CADPS: variants seen among roughly 807,000 people sequenced by gnomAD.
The protein encoded by CADPS is calcium dependent secretion activator, also known as calcium-dependent secretion activator 1.
In CADPS, 57 loss-of-function variants were observed where a neutral mutation model predicts 167.3. The ratio of observed to expected loss-of-function variants is 0.34; its 90% CI spans 0.28 to 0.42. The LOEUF (loss-of-function observed/expected upper bound fraction) is 0.42. CADPS is among the 20% of genes least tolerant of loss of function. CADPS has a pLI of 1.00. For missense variants in CADPS, 1,414 were observed against 1,738.1 expected, an observed-to-expected ratio of 0.81 and a Z score of 3.32; for synonymous variants, 676 against 635.3, an observed-to-expected ratio of 1.06 and a Z score of -0.96.
At chr3:62,556,528 T>G (rs1359907087) in intron 10 of CADPS, among the ~76,000 whole-genome samples, 1 of 152,146 alleles carries the variant, frequency 6.6e-6, no homozygotes, top group African/African-American at 2.4e-5. Context: ...AATAATGCAG[T>G]ATGGTTGGAA....
chr3:62,502,277 T>A (rs1454194476), intron 17 of CADPS, among the ~76,000 whole-genome samples: 2 of 151,750 alleles, frequency 1.3e-5, no homozygotes, highest in Non-Finnish European at 2.9e-5. Flanking sequence ...CCAACAGAGG[T>A]CAAGGAGAAA....
chr3:62,872,275 C>T (rs1350963149), intron 1 of CADPS, among the ~76,000 whole-genome samples: 2 of 152,160 alleles, frequency 1.3e-5, no homozygotes, highest in African/African-American at 4.8e-5. Context: ...TAATTACTCT[C>T]AATCATTGCT....
chr3:62,574,932 G>A (rs1334034864), intron 8 of CADPS, among the ~76,000 whole-genome samples: 1 of 152,202 alleles, frequency 6.6e-6, no homozygotes, highest in Non-Finnish European at 1.5e-5. Context: ...ACTTAAATAT[G>A]TGAAAGGAAA....
At chr3:62,691,463 T>C (rs1201428198) in intron 3 of CADPS, among the ~76,000 whole-genome samples, 1 of 151,962 alleles carries the variant, frequency 6.6e-6, no homozygotes, top group Non-Finnish European at 1.5e-5. Flanking sequence ...TTCTGCTCAA[T>C]TTTGCTGTAG....
At chr3:62,533,976 TG>T (rs1329679351) in intron 12 of CADPS, among the ~76,000 whole-genome samples, 1 of 152,224 alleles carries the variant, frequency 6.6e-6, no homozygotes, top group Non-Finnish European at 1.5e-5. Context: ...AATTCAGATC[TG>T]CAAATTAGAG....
At chr3:62,416,248 T>C (rs982315081) in intron 28 of CADPS, among the ~76,000 whole-genome samples, 1 of 152,168 alleles carries the variant, frequency 6.6e-6, no homozygotes, top group Non-Finnish European at 1.5e-5. Context: ...CAAAAGAACA[T>C]AGTAATCCTA....
intron 6 of CADPS, among the ~76,000 whole-genome samples, chr3:62,622,748 A>G (rs1328484137): frequency 6.6e-6 from 1 of 152,166 alleles, no homozygotes; most frequent in Non-Finnish European, 1.5e-5. Context: ...AAAAAAAGTC[A>G]TGATAGAATT....
At chr3:62,550,225 G>C (rs797016003) in intron 10 of CADPS, 110 bp from the exon 11 acceptor site, 54 of 770,240 alleles carry the variant, frequency 7.0e-5, no homozygotes, top group African/African-American at 3.4e-4. Flanking sequence ...ACAGAAGAGG[G>C]GGGTAGTGAT....
chr3:62,543,186 T>C (rs2075976884), intron 11 of CADPS, among the ~76,000 whole-genome samples: 1 of 152,192 alleles, frequency 6.6e-6, no homozygotes, highest in South Asian at 2.1e-4. Context: ...AAAAGGGACA[T>C]GATTTACAGT....
At chr3:62,827,146 C>T (rs910893408) in intron 1 of CADPS, among the ~76,000 whole-genome samples, 1 of 152,010 alleles carries the variant, frequency 6.6e-6, no homozygotes, top group Non-Finnish European at 1.5e-5. Context: ...TCTTGATTCC[C>T]CCCACCCAGG....
intron 20 of CADPS, among the ~76,000 whole-genome samples, chr3:62,491,720 G>C (rs1197282094): frequency 6.6e-6 from 1 of 152,044 alleles, no homozygotes; most frequent in African/African-American, 2.4e-5. Flanking sequence ...TCTTCTAAAA[G>C]GAAAAACGAT....
intron 28 of CADPS, among the ~76,000 whole-genome samples, chr3:62,430,627 G>A (rs2053728719): frequency 1.3e-5 from 2 of 151,790 alleles, no homozygotes; most frequent in African/African-American, 4.8e-5. Context: ...CCTCTGCCAA[G>A]GAAACTTAAC....
intron 11 of CADPS, among the ~76,000 whole-genome samples, chr3:62,545,588 A>G (rs1232087607): frequency 4.0e-5 from 6 of 151,878 alleles, no homozygotes; most frequent in African/African-American, 1.4e-4. Flanking sequence ...CTGTAGAGTC[A>G]CACACAAACT....
chr3:62,600,337 C>T (rs534788787), intron 6 of CADPS, among the ~76,000 whole-genome samples: 2 of 152,116 alleles, frequency 1.3e-5, no homozygotes, highest in East Asian at 1.9e-4. Flanking sequence ...GAAAGTGCCA[C>T]CAAGCTATAT....
intron 2 of CADPS, among the ~76,000 whole-genome samples, chr3:62,757,875 G>T (rs942189844): frequency 5.3e-5 from 8 of 152,196 alleles, no homozygotes; most frequent in African/African-American, 1.4e-4. Flanking sequence ...GAGAGCATGT[G>T]CATGGGAACT....
At chr3:62,608,884 G>A (rs945372242) in intron 6 of CADPS, among the ~76,000 whole-genome samples, 1 of 152,100 alleles carries the variant, frequency 6.6e-6, no homozygotes, top group South Asian at 2.1e-4. Context: ...CAACTTGTAC[G>A]CCTCCTTCCA....
intron 1 of CADPS, among the ~76,000 whole-genome samples, chr3:62,836,555 CGT>C (rs142841242): frequency 6.6e-6 from 1 of 151,968 alleles, no homozygotes; most frequent in Admixed American, 6.6e-5. Flanking sequence ...GAAGTTAACC[CGT>C]GTGTGTGTGT....
chr3:62,617,665 A>T, intron 6 of CADPS, among the ~76,000 whole-genome samples: 1 of 151,966 alleles, frequency 6.6e-6, no homozygotes, highest in Non-Finnish European at 1.5e-5. Flanking sequence ...GGGATGAGAG[A>T]GGGGAAGGCT....
rs1239110761 is a variant in CADPS, at chr3:62,455,852, C to CGAAG, written c.3636+9511_3636+9514dup. On this transcript the variant is annotated intron_variant, in intron 26 of 29. Transcript: ENST00000383710. This position sits in a 1 kb window ranked among gnomAD's most constrained non-coding sequence, Gnocchi z 4.4. Reference sequence around the variant, plus strand: ...GTTACTGAATAGTAATGCTTCTGCACGAAGGGGTCACTTGTGACCTCTGGT... The same window carrying CGAAG: ...GTTACTGAATAGTAATGCTTCTGCACGAAGGAAGGGGTCACTTGTGACCTCTGGT... Among the ~76,000 whole-genome samples the CGAAG allele has an allele frequency of 6.6e-6, 1 of 152,140 alleles. No individual in the cohort carries two copies. The highest frequency in any genetic ancestry group is 2.4e-5 in the African/African-American group (1 of 41,430).
Sources: gnomAD v4.1 joint callset for allele counts (sites outside exome capture counted in the v4.1 genomes callset) on GRCh38, gnomAD v4.1.1 for gene constraint, Gnocchi (gnomAD v3.1) non-coding constraint, MANE v1.5 for transcripts, NCBI Gene and HGNC (gene_info 2026-07-23, HGNC 2026-07-21) for gene names.